GREB1L: variants seen among roughly 807,000 people sequenced by gnomAD.
GREB1L encodes the protein GREB1-like protein.
GREB1L carries 17 observed loss-of-function variants against 200.8 expected under a neutral mutation model. The observed-to-expected ratio is 0.08, with a 90% confidence interval of 0.06 to 0.13. GREB1L has a LOEUF of 0.13. Ranked by LOEUF, GREB1L falls within the 10% of genes least tolerant of loss-of-function variation. GREB1L has a pLI of 1.00. For missense variants in GREB1L, 1,657 were observed against 2,367.7 expected, an observed-to-expected ratio of 0.70 and a Z score of 6.23; for synonymous variants, 789 against 893.0, an observed-to-expected ratio of 0.88 and a Z score of 2.08.
chr18:21,257,362 T>C (rs748269038), intron 1 of GREB1L, among the ~76,000 whole-genome samples: 3 of 152,014 alleles, frequency 2.0e-5, no homozygotes, highest in African/African-American at 4.8e-5. Context: ...AAATAACCTT[T>C]CCCCCCCTTG....
intron 1 of GREB1L, among the ~76,000 whole-genome samples, chr18:21,333,229 T>G (rs2039133512): frequency 6.6e-6 from 1 of 152,206 alleles, no homozygotes; most frequent in South Asian, 2.1e-4. Context: ...CACACTCGCA[T>G]GCACTGGGTT....
At position 21,505,445 on chromosome 18, in the gene GREB1L, A is replaced by G; in HGVS notation, c.4106A>G (p.Glu1369Gly). Residue 1369 changes from glutamate (E) to glycine (G), a missense_variant, in exon 24 of 33, where the codon GAG (glutamate) becomes GGG (glycine). Physicochemically the swap from Glu to Gly is moderately conservative, Grantham distance 98. This residue lies in a region of GREB1L where 512 missense variants were observed against 668.3 expected (regional missense o/e 0.77). Transcript: ENST00000424526. ...HNESSEVSQS[E>G]GEPWPDIESF... ...GAAAGCAGTGAAGTGAGCCAGTCAG[A>G]GGGAGAGCCCTGGCCTGACATCGAG... is the stretch of plus-strand genomic sequence containing the variant. The G allele has an allele frequency of 6.4e-7, 1 of 1,551,618 alleles. No homozygotes were observed. The highest frequency in any genetic ancestry group is 8.7e-7 in the Non-Finnish European group (1 of 1,146,996).
chr18:21,514,076 G>A, intron 28 of GREB1L, 90 bp downstream of exon 28: 1 of 1,276,336 alleles, frequency 7.8e-7, no homozygotes, highest in South Asian at 1.6e-5. Context: ...GTAAGAAAGA[G>A]AGAGACAGCT....
chr18:21,432,705 C>CTTTTTT (rs11380208), intron 7 of GREB1L, among the ~76,000 whole-genome samples: 8 of 94,360 alleles, frequency 8.5e-5, no homozygotes, highest in African/African-American at 1.4e-4. Context: ...TCTTTTTTTT[C>CTTTTTT]TTTTTTTTTT....
chr18:21,425,252 A>G (rs1032941955), intron 7 of GREB1L, among the ~76,000 whole-genome samples: 1 of 151,862 alleles, frequency 6.6e-6, no homozygotes, highest in Non-Finnish European at 1.5e-5. Context: ...GCATAAACCT[A>G]TGTTTATCCA....
chr18:21,396,418 A>T (rs780446898), intron 5 of GREB1L, among the ~76,000 whole-genome samples: 2 of 152,210 alleles, frequency 1.3e-5, no homozygotes, highest in Non-Finnish European at 2.9e-5. Context: ...TTTAAAAAGC[A>T]TGCAATTTAT....
At chr18:21,460,353 G>A (rs111747869) in intron 15 of GREB1L, among the ~76,000 whole-genome samples, 2,964 of 151,374 alleles carry the variant, frequency 0.02, 132 homozygotes, top group Admixed American at 0.1. Flanking sequence ...TTTTTTGTTT[G>A]TTTATTTTTG....
intron 1 of GREB1L, among the ~76,000 whole-genome samples, chr18:21,258,974 G>A (rs1163060444): frequency 1.3e-5 from 2 of 152,134 alleles, no homozygotes; most frequent in East Asian, 3.9e-4. Context: ...GACATTTCCT[G>A]TACAGTATAG....
chr18:21,521,960 C>T (rs186859387), intron 32 of GREB1L, among the ~76,000 whole-genome samples: 56 of 139,874 alleles, frequency 4.0e-4, no homozygotes, highest in African/African-American at 1.5e-3. Flanking sequence ...GCCAAGATTG[C>T]ACTACTGCAC....
Position 21,260,376 on chromosome 18 carries a change from A to G in GREB1L, c.-120+17983A>G, listed in dbSNP as rs7234115. 1.4e-3 allele frequency among the ~76,000 whole-genome samples: 206 copies of G among 152,156 alleles called. 1 individual carries two copies. Among genetic ancestry groups the G allele is most frequent in the African/African-American group, 4.7e-3 (196 of 41,578 alleles). On this transcript the variant is annotated intron_variant, in intron 1 of 32. Transcript: ENST00000424526. ...GATTTGTGGACCATCAGAGAAAAGAAGATACATATTAAGGAGGGAAAAAAA... is the reference window on the plus strand; with the variant it reads ...GATTTGTGGACCATCAGAGAAAAGAGGATACATATTAAGGAGGGAAAAAAA...
At chr18:21,432,713 T>C (rs1382704262) in intron 7 of GREB1L, among the ~76,000 whole-genome samples, 10 of 142,764 alleles carry the variant, frequency 7.0e-5, no homozygotes, top group African/African-American at 1.6e-4. Context: ...TTCTTTTTTT[T>C]TTTTTTTTTT....
At chr18:21,340,383 G>A (rs571160963) in intron 1 of GREB1L, among the ~76,000 whole-genome samples, 1 of 151,694 alleles carries the variant, frequency 6.6e-6, no homozygotes, top group South Asian at 2.1e-4. Context: ...TTGTGCCACT[G>A]CACTCCAGCC....
chr18:21,266,488 T>C (rs2037969626), intron 1 of GREB1L, among the ~76,000 whole-genome samples: 2 of 152,190 alleles, frequency 1.3e-5, no homozygotes, highest in Admixed American at 6.5e-5. Context: ...AGCCTTGGGC[T>C]GCAGGGAGGT....
chr18:21,455,675 C>T (rs1204354600), intron 15 of GREB1L, among the ~76,000 whole-genome samples: 1 of 148,542 alleles, frequency 6.7e-6, no homozygotes, highest in Non-Finnish European at 1.5e-5. Context: ...AGACCCTCTC[C>T]CAAAAAAAAA....
intron 7 of GREB1L, among the ~76,000 whole-genome samples, chr18:21,436,669 G>GGGGTGTGTGTGT (rs1447242837): frequency 2.3e-5 from 3 of 132,456 alleles, no homozygotes; most frequent in African/African-American, 8.6e-5. Context: ...AAAGTTCAGT[G>GGGGTGTGTGTGT]GTGTGTGTGT....
intron 4 of GREB1L, among the ~76,000 whole-genome samples, chr18:21,392,408 C>T (rs557660941): frequency 2.8e-4 from 43 of 151,848 alleles, no homozygotes; most frequent in Middle Eastern, 3.4e-3. Context: ...TATTTGTAAA[C>T]GAAGTAATAT....
chr18:21,390,122 C>T (rs2040733863), intron 4 of GREB1L, among the ~76,000 whole-genome samples: 1 of 152,180 alleles, frequency 6.6e-6, no homozygotes, highest in African/African-American at 2.4e-5. Flanking sequence ...CAATGCATTA[C>T]TCATGTGTTT....
chr18:21,300,631 A>G (rs1245303770), intron 1 of GREB1L, among the ~76,000 whole-genome samples: 1 of 152,222 alleles, frequency 6.6e-6, no homozygotes, highest in Non-Finnish European at 1.5e-5. Flanking sequence ...CATAAGCAGA[A>G]AGAATGGAAC....
At chr18:21,379,567 CA>C (rs2040220697) in intron 2 of GREB1L, among the ~76,000 whole-genome samples, 1 of 152,158 alleles carries the variant, frequency 6.6e-6, no homozygotes, top group African/African-American at 2.4e-5. Flanking sequence ...GATTAAGAGG[CA>C]GCAATATTTC....
Sources: allele counts gnomAD v4.1 joint callset (sites outside exome capture counted in the v4.1 genomes callset), GRCh38; gene constraint gnomAD v4.1.1; regional missense constraint gnomAD v4.1.1; transcripts MANE v1.5; gene names NCBI Gene and HGNC (gene_info 2026-07-23, HGNC 2026-07-21).